Variants in FBLN2 observed in about 807,000 individuals in gnomAD.
The protein encoded by FBLN2 is fibulin-2.
In FBLN2, 81 loss-of-function variants were observed where a neutral mutation model predicts 123.7. That is an observed-to-expected ratio of 0.65 (90% CI 0.55 to 0.79). The LOEUF (loss-of-function observed/expected upper bound fraction) is 0.79. Among genes scored for constraint, FBLN2 ranks in the 30% least tolerant of loss-of-function variants. The probability of loss-of-function intolerance (pLI) is 0.00; values close to 1 mark genes in which losing one functional copy is unlikely to be tolerated. For synonymous variants in FBLN2, 699 were observed against 701.4 expected (o/e 1.00, Z 0.05); for missense variants, 1,603 against 1,681.3 (o/e 0.95, Z 0.81).
chr3:13,631,200 C>T, intron 15 of FBLN2, 129 bp from the exon 16 acceptor site: 6 of 1,184,298 alleles, frequency 5.1e-6, no homozygotes, highest in Middle Eastern at 2.1e-4. Context: ...TCTACTCTCT[C>T]AGTCCACTTG....
chr3:13,609,518 C>T lies in FBLN2; in HGVS notation c.1424C>T (p.Ala475Val), dbSNP rs1705317924. 1 of 1,549,666 alleles carries T rather than the reference C, an allele frequency of 6.5e-7. No homozygotes were observed. The highest frequency in any genetic ancestry group is 2.0e-5 in the Admixed American group (1 of 50,712). ...SGTEDNVCRT[A>V]QRHCCVSYLQ... ...AGTTACCCCCTCTGTTTCAGGACAG[C>T]CCAGAGGCACTGCTGTGTCTCCTAC... Residue 475 changes from alanine to valine, a missense_variant, in exon 4 of 18, where the codon GCC becomes GTC. Physicochemically the swap from Ala to Val is moderately conservative, Grantham distance 64. Coordinates refer to ENST00000404922, the MANE Select transcript of FBLN2 (RefSeq NM_001004019.2).
intron 9 of FBLN2, among the ~76,000 whole-genome samples, chr3:13,622,433 G>A (rs373279119): frequency 1.1e-4 from 16 of 152,292 alleles, no homozygotes; most frequent in African/African-American, 3.1e-4. Flanking sequence ...CAACAGCTAC[G>A]TGCCTTCCCC....
At chr3:13,573,594 G>A (rs1193219978) in intron 2 of FBLN2, among the ~76,000 whole-genome samples, 1 of 152,126 alleles carries the variant, frequency 6.6e-6, no homozygotes, top group African/African-American at 2.4e-5. Flanking sequence ...GCACATGCTG[G>A]GCACTCAGAA....
intron 2 of FBLN2, among the ~76,000 whole-genome samples, chr3:13,596,073 C>T (rs746112): frequency 0.13 from 20,320 of 152,198 alleles, 1,992 homozygotes; most frequent in African/African-American, 0.27. Context: ...TGTGGAAATT[C>T]TTTCATGTAA....
intron 4 of FBLN2, 28 bp downstream of exon 4, chr3:13,609,670 A>T: frequency 1.4e-5 from 1 of 71,428 alleles, no homozygotes; most frequent in Non-Finnish European, 2.7e-5. Flanking sequence ...CCTTCAAGGC[A>T]GGGTGGGGTG....
chr3:13,622,893 C>T lies in FBLN2; in HGVS notation c.2296+978C>T, dbSNP rs555229682. Among the ~76,000 whole-genome samples the T allele has an allele frequency of 3.9e-5, 6 of 152,300 alleles. No homozygotes were observed. In the East Asian group the frequency reaches 5.8e-4, roughly 15 times the overall value. On this transcript the variant is annotated intron_variant, in intron 9 of 17. Transcript: ENST00000404922. ...GCGAGGTCATTCCAGCTGGTGGCAT[C>T]GGGTTAGCATTTGGAAATCAGTAAG...
At chr3:13,629,977 G>T (rs750261012) in intron 14 of FBLN2, 32 bp downstream of exon 14, 1 of 1,606,324 alleles carries the variant, frequency 6.2e-7, no homozygotes, top group African/African-American at 1.3e-5. Flanking sequence ...ACCCTATGCC[G>T]CCTGGTATCT....
At chr3:13,629,418 G>T in intron 13 of FBLN2, 126 bp downstream of exon 13, 1 of 1,316,320 alleles carries the variant, frequency 7.6e-7, no homozygotes, top group Non-Finnish European at 1.0e-6. Context: ...GAGTCCACAA[G>T]GTCGCCTTCC....
intron 1 of FBLN2, among the ~76,000 whole-genome samples, chr3:13,553,598 T>C (rs1207317806): frequency 6.6e-6 from 1 of 152,224 alleles, no homozygotes; most frequent in Non-Finnish European, 1.5e-5. Flanking sequence ...TCTTCAGTTA[T>C]TGGAATTTGG....
chr3:13,615,603 T>G (rs1274101435), intron 5 of FBLN2, among the ~76,000 whole-genome samples: 19 of 152,264 alleles, frequency 1.2e-4, no homozygotes, highest in Admixed American at 1.2e-3. Context: ...ATTCTTTACC[T>G]TGTTCAGTGC....
chr3:13,617,860 GTCTA>G (rs777637911), intron 5 of FBLN2, among the ~76,000 whole-genome samples: 4 of 133,374 alleles, frequency 3.0e-5, no homozygotes, highest in Non-Finnish European at 4.8e-5. Context: ...ATACCCATCC[GTCTA>G]TCTATTTACC....
rs1463704717 is a variant in FBLN2 at position 13,618,295 on chromosome 3, C to G, written c.1939+10C>G. On this transcript the variant is annotated intron_variant, in intron 6 of 17. Coordinates refer to ENST00000404922, the MANE Select transcript of FBLN2 (RefSeq NM_001004019.2). ...CGCACTTGCCGCCCAGGTAAGGGCC[C>G]TGATGGCCAGGGCAGGGGCTATGGG... 6.2e-7 allele frequency: 1 copy of G among 1,613,430 alleles called. No homozygotes were observed. Among genetic ancestry groups the G allele is most frequent in the East Asian group, 2.2e-5 (1 of 44,886 alleles).
intron 2 of FBLN2, among the ~76,000 whole-genome samples, chr3:13,589,295 G>A (rs1704598290): frequency 6.6e-6 from 1 of 152,210 alleles, no homozygotes; most frequent in East Asian, 1.9e-4. Flanking sequence ...GAAGGGTGAG[G>A]CTTGTCCATG....
At chr3:13,595,432 C>T (rs1704809708) in intron 2 of FBLN2, among the ~76,000 whole-genome samples, 2 of 152,142 alleles carry the variant, frequency 1.3e-5, no homozygotes, top group African/African-American at 4.8e-5. Context: ...GAAGGCAGAC[C>T]CAGGTTCAGA....
At chr3:13,609,688 G>C in intron 4 of FBLN2, 46 bp downstream of exon 4, 10 of 512,596 alleles carry the variant, frequency 2.0e-5, no homozygotes, top group Non-Finnish European at 3.3e-5. Flanking sequence ...GTGGGGCGGG[G>C]CGGGAGGCTG....
chr3:13,564,925 G>A (rs1266451115), intron 1 of FBLN2, among the ~76,000 whole-genome samples: 1 of 152,226 alleles, frequency 6.6e-6, no homozygotes, highest in African/African-American at 2.4e-5. Context: ...AGCAGAGCGA[G>A]GAGCTTGTGG....
intron 4 of FBLN2, 76 bp downstream of exon 4, chr3:13,609,718 C>G: frequency 1.3e-6 from 2 of 1,517,310 alleles, no homozygotes; most frequent in Non-Finnish European, 1.8e-6. Flanking sequence ...TGAAGGTCCT[C>G]GTGGCCCAAG....
chr3:13,555,263 CT>C (rs1403874237), intron 1 of FBLN2, among the ~76,000 whole-genome samples: 5 of 151,502 alleles, frequency 3.3e-5, no homozygotes, highest in African/African-American at 1.2e-4. Context: ...CTTATACTTA[CT>C]TTTAAAGGAA....
rs141254459 is a variant in FBLN2 at position 13,617,071 on chromosome 3, A to T, written c.1730-1005A>T. Among the ~76,000 whole-genome samples, 42 of 152,184 alleles carry T rather than the reference A, an allele frequency of 2.8e-4. No homozygotes were observed. The East Asian group carries it at 7.9e-3, about 29-fold the overall frequency. On this transcript the variant is annotated intron_variant, in intron 5 of 17. Transcript: ENST00000404922. The stretch of plus-strand genomic sequence containing the variant: ...TATTGTAGAGGACTCAGTGATGAAG[A>T]CTTGGACCTGGCTCTGATGGGTTCA...
Sources: allele counts gnomAD v4.1 joint callset (sites outside exome capture counted in the v4.1 genomes callset), GRCh38; gene constraint gnomAD v4.1.1; transcripts MANE v1.5; gene names NCBI Gene and HGNC (gene_info 2026-07-23, HGNC 2026-07-21).